SRCIN1: variants seen among roughly 807,000 people sequenced by gnomAD.
SRCIN1 encodes the protein SRC kinase signaling inhibitor 1, also known as P130Cas-associated protein.
In SRCIN1, 50 loss-of-function variants were observed where a neutral mutation model predicts 116.2. The ratio of observed to expected loss-of-function variants is 0.43; its 90% CI spans 0.34 to 0.54. The LOEUF (loss-of-function observed/expected upper bound fraction) is 0.54, where lower values mean the gene tolerates loss of function less well. Ranked by LOEUF, SRCIN1 falls within the 20% of genes least tolerant of loss-of-function variation. The pLI, the probability that SRCIN1 is intolerant of heterozygous loss-of-function variation, is 0.02. For synonymous variants in SRCIN1, 736 were observed against 750.0 expected (o/e 0.98, Z 0.30); for missense variants, 1,446 against 1,672.0 (o/e 0.86, Z 2.36).
chr17:38,561,930 G>A lies in SRCIN1; in HGVS notation c.1233C>T (p.Ala411=), dbSNP rs999244354. ...AGGCGAACGGGTCGCCGGCGGCCGCGGCCAGGCTCAGACGGCCCTCGTGCA... is the reference window on the plus strand; with the variant it reads ...AGGCGAACGGGTCGCCGGCGGCCGCAGCCAGGCTCAGACGGCCCTCGTGCA... ...GLLHEGRLSL[A]AAAGDPFAYP... is the part of the protein sequence containing the mutation. The change falls in exon 7 of 19, where the codon GCC becomes GCT. Residue 411 remains alanine, a synonymous_variant. Transcript: ENST00000617146. The A allele has an allele frequency of 1.4e-5, 20 of 1,453,514 alleles. No homozygotes were observed. The highest frequency in any genetic ancestry group is 1.7e-5 in the Non-Finnish European group (19 of 1,117,558). 90.0% of individuals were successfully genotyped at this position (1,453,514 alleles called of 1,614,324 possible). A position where few individuals can be genotyped will look rare whatever the true frequency, so the allele number is the denominator to read the frequency against.
In SRCIN1 at chr17:38,552,611, G is replaced by A. The variant is rs1480883241; in HGVS notation, c.2333-17C>T. ...GGAAGTGAGCTGAGGAGACAGGAAG[G>A]CATGAGCTGGGGCCAGAGGGAGCAC... On this transcript the variant is annotated splice_polypyrimidine_tract_variant and intron_variant, in intron 12 of 18. Coordinates refer to ENST00000617146, the MANE Select transcript of SRCIN1 (RefSeq NM_025248.3). This position sits in a 1 kb window ranked among gnomAD's most constrained non-coding sequence, Gnocchi z 5.3. 1.2e-6 allele frequency: 2 copies of A among 1,612,580 alleles called. No homozygotes were observed. The highest frequency in any genetic ancestry group is 3.3e-5 in the Admixed American group (2 of 59,950).
chr17:38,548,954 T>C (rs1046127119), intron 16 of SRCIN1, 102 bp downstream of exon 16: 79 of 1,372,344 alleles, frequency 5.8e-5, no homozygotes, highest in Admixed American at 2.7e-5. Flanking sequence ...CCATGTTCTC[T>C]GAGAAAGGGG....
In SRCIN1 at chr17:38,563,818, GGAGA is replaced by G; in HGVS notation, c.541+296_542-298del. 1 of 634,202 alleles carries G rather than the reference GGAGA, an allele frequency of 1.6e-6. No individual in the cohort carries two copies. The highest frequency in any genetic ancestry group is 2.7e-5 in the East Asian group (1 of 36,654). 39.3% of individuals were successfully genotyped at this position (634,202 alleles called of 1,614,324 possible). A position where few individuals can be genotyped will look rare whatever the true frequency, so the allele number is the denominator to read the frequency against. ...GGAAACTGAGGGGAAGTGAGCTGAG[GGAGA>G]GAGAGGTTGGAGAGAGTTAGAGAAG... On this transcript the variant is annotated intron_variant, in intron 4 of 18. Coordinates refer to ENST00000617146, the MANE Select transcript of SRCIN1 (RefSeq NM_025248.3). This position sits in a 1 kb window ranked among gnomAD's most constrained non-coding sequence, Gnocchi z 5.8.
In SRCIN1 at chr17:38,605,686, T is replaced by A; in HGVS notation, c.20A>T (p.Gln7Leu). ...GGAGGAGAGAGACAGGGACATGCCT[T>A]GGGACGGAGCGTTCCCCATCGGGCG... Reference protein sequence around the residue: MGNAPSQDPERSSPPML... With the variant: MGNAPSLDPERSSPPML... Residue 7 changes from glutamine (Q) to leucine (L), a missense_variant and splice_region_variant, in exon 1 of 19, where the codon CAA (glutamine) becomes CTA (leucine). Coordinates refer to ENST00000617146, the MANE Select transcript of SRCIN1 (RefSeq NM_025248.3). The A allele has an allele frequency of 8.1e-7, 1 of 1,227,200 alleles. No homozygotes were observed. The highest frequency in any genetic ancestry group is 1.0e-6 in the Non-Finnish European group (1 of 973,120). The allele number at this position is 1,227,200 out of a possible 1,614,324, so 76.0% of individuals were successfully genotyped here.
In SRCIN1 at chr17:38,585,179, C is replaced by T. The variant is rs146197188; in HGVS notation, c.23-6388G>A. Among the ~76,000 whole-genome samples the T allele has an allele frequency of 9.2e-5, 14 of 152,342 alleles. No individual in the cohort carries two copies. The highest frequency in any genetic ancestry group is 3.4e-4 in the African/African-American group (14 of 41,574). On this transcript the variant is annotated intron_variant, in intron 1 of 18. Transcript: ENST00000617146. The surrounding 1 kb of genome is among the most constrained non-coding windows in gnomAD (Gnocchi z 4.2). ...GTGAAGACACCAACTCACAAGCCCA[C>T]AGGACATGGGGCTAGGCAGGGCAGC...
intron 3 of SRCIN1, among the ~76,000 whole-genome samples, chr17:38,567,304 T>C (rs1906786824): frequency 6.6e-6 from 1 of 152,310 alleles, no homozygotes; most frequent in East Asian, 1.9e-4. Context: ...TTGCCCCAGG[T>C]CACCAAGCTA....
intron 1 of SRCIN1, among the ~76,000 whole-genome samples, chr17:38,582,407 G>A (rs554193043): frequency 1.3e-5 from 2 of 152,352 alleles, no homozygotes; most frequent in Non-Finnish European, 2.9e-5. Context: ...AGCAGGCAGA[G>A]GGTAGGGCAT....
At position 38,534,175 on chromosome 17, in the gene SRCIN1, G is replaced by A. The variant is rs570547519; in HGVS notation, c.3418-744C>T. On this transcript the variant is annotated intron_variant, in intron 18 of 18. Coordinates refer to ENST00000617146, the MANE Select transcript of SRCIN1 (RefSeq NM_025248.3). ...GACCCCTCATCCTCCTCCCACCTTC[G>A]GTGGACTCCCGCAACTCCACCGGTC... 4.6e-5 allele frequency among the ~76,000 whole-genome samples: 7 copies of A among 152,230 alleles called. No homozygotes were observed. The South Asian group carries it at 6.2e-4, about 14-fold the overall frequency.
In SRCIN1 at chr17:38,562,227, C is replaced by A; in HGVS notation, c.936G>T (p.Leu312=). 1 of 1,446,204 alleles carries A rather than the reference C, an allele frequency of 6.9e-7. No homozygotes were observed. Among genetic ancestry groups the A allele is most frequent in the Non-Finnish European group, 9.0e-7 (1 of 1,109,458 alleles). 89.6% of individuals were successfully genotyped at this position (1,446,204 alleles called of 1,614,324 possible). Reference sequence around the variant, plus strand: ...GCAGCCCGGACGGCAGCCCCGACGGCAGCCCGGGCGGCGGCGAGCCGGATG... The same window carrying A: ...GCAGCCCGGACGGCAGCCCCGACGGAAGCCCGGGCGGCGGCGAGCCGGATG... ...HLASGSPPPG[L]PSGLPSGLQS... is the part of the protein sequence containing the mutation. Residue 312 remains leucine (L), a synonymous_variant, in exon 7 of 19, where the codon CTG becomes CTT. Transcript: ENST00000617146. This position sits in a 1 kb window ranked among gnomAD's most constrained non-coding sequence, Gnocchi z 4.2.
chr17:38,561,818 C>A lies in SRCIN1; in HGVS notation c.1345G>T (p.Asp449Tyr). ...CCGCCCGCCGCCTTGTACAGGGAGT[C>A]CTCCAGATCGGACTGCAGCGCGGCG... is the stretch of plus-strand genomic sequence containing the variant. ...SAAALQSDLE[D>Y]SLYKAAGGGG... The change falls in exon 7 of 19, where the codon GAC (aspartate) becomes TAC (tyrosine). Residue 449 changes from aspartate to tyrosine, a missense_variant. This residue lies in a region of SRCIN1 where 398 missense variants were observed against 385.6 expected (regional missense o/e 1.03). Coordinates refer to ENST00000617146, the MANE Select transcript of SRCIN1 (RefSeq NM_025248.3). 1.3e-6 allele frequency: 2 copies of A among 1,482,640 alleles called. No individual in the cohort carries two copies. The highest frequency in any genetic ancestry group is 1.3e-5 in the South Asian group (1 of 77,762). The allele number at this position is 1,482,640 out of a possible 1,614,324, so 91.8% of individuals were successfully genotyped here.
In SRCIN1 at chr17:38,572,509, G is replaced by A. The variant is rs1259007463; in HGVS notation, c.325-4278C>T. ...AAGGCACCTAATGCGGTGGGGGAGG[G>A]GAGGAGGCGTTTCTCAGGGATCGGG... On this transcript the variant is annotated intron_variant, in intron 2 of 18. Transcript: ENST00000617146. The surrounding 1 kb of genome is among the most constrained non-coding windows in gnomAD (Gnocchi z 4.3). 6.6e-6 allele frequency among the ~76,000 whole-genome samples: 1 copy of A among 152,090 alleles called. No homozygotes were observed. Among genetic ancestry groups the A allele is most frequent in the African/African-American group, 2.4e-5 (1 of 41,432 alleles).
Position 38,552,726 on chromosome 17 carries a change from C to T in SRCIN1, c.2331G>A (p.Lys777=), listed in dbSNP as rs1905516693. The T allele has an allele frequency of 6.2e-7, 1 of 1,613,868 alleles. No individual in the cohort carries two copies. Among genetic ancestry groups the T allele is most frequent in the Non-Finnish European group, 8.5e-7 (1 of 1,179,856 alleles). The change falls in exon 12 of 19, where the codon AAG becomes AAA. Residue 777 remains lysine, a splice_region_variant and synonymous_variant. Coordinates refer to ENST00000617146, the MANE Select transcript of SRCIN1 (RefSeq NM_025248.3). The surrounding 1 kb of genome is among the most constrained non-coding windows in gnomAD (Gnocchi z 5.3). ...KQLGETLTEL[K]AHFPGLQSKM... ...TGCATTCGCAGGCCCCAGACCCACCCTTGAGCTCTGTCAGCGTCTCCCCGA... is the reference window on the plus strand; with the variant it reads ...TGCATTCGCAGGCCCCAGACCCACCTTTGAGCTCTGTCAGCGTCTCCCCGA...
chr17:38,583,976 C>T (rs992624979), intron 1 of SRCIN1, among the ~76,000 whole-genome samples: 34 of 152,160 alleles, frequency 2.2e-4, no homozygotes, highest in Non-Finnish European at 4.3e-4. Flanking sequence ...CCTGACCCCC[C>T]TCGGACCTGA....
chr17:38,531,271 T>A lies in SRCIN1; in HGVS notation c.*2026A>T, dbSNP rs1020353010. On this transcript the variant is annotated 3_prime_UTR_variant, in exon 19 of 19. Transcript: ENST00000617146. ...CCCTCCCCTCCCAAGTCAGGGGGTC[T>A]CTGTACAGCCAAATCAAACCAGACC... 2.6e-5 allele frequency: 4 copies of A among 151,918 alleles called. No individual in the cohort carries two copies. Among genetic ancestry groups the A allele is most frequent in the African/African-American group, 9.7e-5 (4 of 41,234 alleles). 9.4% of individuals were successfully genotyped at this position (151,918 alleles called of 1,614,324 possible).
At chr17:38,565,458 C>A (rs1409892016) in intron 3 of SRCIN1, among the ~76,000 whole-genome samples, 1 of 152,130 alleles carries the variant, frequency 6.6e-6, no homozygotes, top group Non-Finnish European at 1.5e-5. Context: ...TCACTCAAAA[C>A]CATTAACACT....
At chr17:38,554,633 A>G (rs987684276) in intron 11 of SRCIN1, among the ~76,000 whole-genome samples, 1 of 152,150 alleles carries the variant, frequency 6.6e-6, no homozygotes, top group Non-Finnish European at 1.5e-5. Flanking sequence ...CCAGGCAGGC[A>G]AAGACCATGT....
intron 17 of SRCIN1, among the ~76,000 whole-genome samples, chr17:38,547,336 G>A (rs1905131461): frequency 6.6e-6 from 1 of 152,148 alleles, no homozygotes; most frequent in Non-Finnish European, 1.5e-5. Context: ...CTAGGCAAGG[G>A]CTCAGGACAA....
chr17:38,557,874 G>C (rs923035545), intron 11 of SRCIN1, among the ~76,000 whole-genome samples: 6 of 152,210 alleles, frequency 3.9e-5, no homozygotes. Context: ...GGGTCACTTT[G>C]CACGGGTCAC....
chr17:38,599,469 C>A (rs965925553), intron 1 of SRCIN1, among the ~76,000 whole-genome samples: 1 of 152,180 alleles, frequency 6.6e-6, no homozygotes, highest in Admixed American at 6.5e-5. Context: ...TGAAAGGTCA[C>A]GCTGACCAGT....
Sources: gnomAD v4.1 joint callset for allele counts (sites outside exome capture counted in the v4.1 genomes callset) on GRCh38, gnomAD v4.1.1 for gene constraint, gnomAD v4.1.1 regional missense constraint, Gnocchi (gnomAD v3.1) non-coding constraint, MANE v1.5 for transcripts, NCBI Gene and HGNC (gene_info 2026-07-23, HGNC 2026-07-21) for gene names.